DAGLA: variants seen among roughly 807,000 people sequenced by gnomAD.
DAGLA encodes diacylglycerol lipase-alpha.
DAGLA carries 22 observed loss-of-function variants against 102.6 expected under a neutral mutation model. The ratio of observed to expected loss-of-function variants is 0.21; its 90% confidence interval spans 0.15 to 0.31. DAGLA has a LOEUF of 0.31. Among genes scored for constraint, DAGLA ranks in the 10% least tolerant of loss-of-function variants. DAGLA has a pLI of 1.00. For synonymous variants in DAGLA, 578 were observed against 628.9 expected, an observed-to-expected ratio of 0.92 and a Z score of 1.21; for missense variants, 927 against 1,446.6, an observed-to-expected ratio of 0.64 and a Z score of 5.83.
In DAGLA at chr11:61,745,937, G is replaced by C. The variant is rs2065533986; in HGVS notation, c.*1448G>C. 2 of 152,402 alleles carry C rather than the reference G, an allele frequency of 1.3e-5. No individual in the cohort carries two copies. Among genetic ancestry groups the C allele is most frequent in the South Asian group, 4.1e-4 (2 of 4,838 alleles). The allele number at this position is 152,402 out of a possible 1,614,324, so 9.4% of individuals were successfully genotyped here. A position where few individuals can be genotyped will look rare whatever the true frequency, so the allele number is the denominator to read the frequency against. On this transcript the variant is annotated 3_prime_UTR_variant, in exon 20 of 20. Transcript: ENST00000257215. Reference sequence around the variant, plus strand: ...ACCATCTGTTCCCATCGCGCCTGCTGCTGTGACCCGTTTTGGAAAACTGGT... The same window carrying C: ...ACCATCTGTTCCCATCGCGCCTGCTCCTGTGACCCGTTTTGGAAAACTGGT...
chr11:61,705,525 C>G (rs2065141842), intron 1 of DAGLA, among the ~76,000 whole-genome samples: 1 of 152,226 alleles, frequency 6.6e-6, no homozygotes, highest in African/African-American at 2.4e-5. Flanking sequence ...TGGTTGCTTC[C>G]CTCTGCTAGT....
intron 1 of DAGLA, among the ~76,000 whole-genome samples, chr11:61,696,272 T>C (rs957766115): frequency 1.5e-4 from 23 of 152,292 alleles, no homozygotes; most frequent in African/African-American, 4.6e-4. Flanking sequence ...ATGAGTTCTC[T>C]GTGAAGGTGT....
intron 1 of DAGLA, among the ~76,000 whole-genome samples, chr11:61,696,402 G>A (rs1238871113): frequency 1.3e-5 from 2 of 152,110 alleles, no homozygotes; most frequent in East Asian, 1.9e-4. Context: ...CCGTCCGTCC[G>A]TCAAGGACAC....
At chr11:61,718,260 G>T (rs572066880) in intron 1 of DAGLA, among the ~76,000 whole-genome samples, 2 of 152,110 alleles carry the variant, frequency 1.3e-5, no homozygotes, top group Non-Finnish European at 2.9e-5. Context: ...AGCAGGATGC[G>T]GCTCTACAGC....
intron 9 of DAGLA, among the ~76,000 whole-genome samples, chr11:61,732,574 G>C (rs2065385006): frequency 6.6e-6 from 1 of 152,214 alleles, no homozygotes; most frequent in African/African-American, 2.4e-5. Flanking sequence ...TCAGAACCCA[G>C]GGTATCACTG....
chr11:61,721,271 G>A (rs1194358354), intron 3 of DAGLA, among the ~76,000 whole-genome samples: 1 of 152,182 alleles, frequency 6.6e-6, no homozygotes, highest in African/African-American at 2.4e-5. Flanking sequence ...GCACACGCCT[G>A]TAATCCCAGC....
intron 1 of DAGLA, among the ~76,000 whole-genome samples, chr11:61,710,158 G>A (rs1413040146): frequency 6.6e-6 from 1 of 152,146 alleles, no homozygotes; most frequent in East Asian, 1.9e-4. Flanking sequence ...GCACCCAGAC[G>A]GAGTCTCCTC....
chr11:61,699,172 T>A (rs142460722), intron 1 of DAGLA, among the ~76,000 whole-genome samples: 16 of 152,256 alleles, frequency 1.1e-4, no homozygotes, highest in African/African-American at 3.6e-4. Context: ...AATTCTGCCC[T>A]GAGTTTGGGG....
chr11:61,718,937 A>G (rs1409928792), intron 1 of DAGLA, among the ~76,000 whole-genome samples: 1 of 152,036 alleles, frequency 6.6e-6, no homozygotes, highest in Non-Finnish European at 1.5e-5. Flanking sequence ...GGCTCCTCGG[A>G]CACACATTTT....
At chr11:61,735,292 G>T (rs1382819444) in intron 10 of DAGLA, among the ~76,000 whole-genome samples, 1 of 152,192 alleles carries the variant, frequency 6.6e-6, no homozygotes, top group African/African-American at 2.4e-5. Flanking sequence ...CAGAAGCAGG[G>T]AGGGGCAGCC....
rs1038340801 is a variant in DAGLA, at chr11:61,686,806, A to G, written c.-45+6302A>G. Among the ~76,000 whole-genome samples, 3 of 152,206 alleles carry G rather than the reference A, an allele frequency of 2.0e-5. 1 individual carries two copies. In the Middle Eastern group the frequency reaches 0.01, roughly 518 times the overall value. ...GATGTTCCTGGACTTCCTTGAGGTT[A>G]ATCTATTATTGATGTCCCTTCGTTT... On this transcript the variant is annotated intron_variant, in intron 1 of 19. Coordinates refer to ENST00000257215, the MANE Select transcript of DAGLA (RefSeq NM_006133.3). The surrounding 1 kb of genome is among the most constrained non-coding windows in gnomAD (Gnocchi z 5.2).
intron 6 of DAGLA, 132 bp downstream of exon 6, chr11:61,726,214 T>C: frequency 3.8e-6 from 3 of 797,178 alleles, no homozygotes; most frequent in South Asian, 1.4e-5. Context: ...CGTGAGCAAG[T>C]ATGGCCTGCT....
At chr11:61,737,080 G>A in intron 13 of DAGLA, 102 bp from the exon 14 acceptor site, 1 of 1,491,612 alleles carries the variant, frequency 6.7e-7, no homozygotes, top group South Asian at 1.2e-5. Context: ...AAGATCCCAG[G>A]ACTCTGGGAA....
intron 3 of DAGLA, 82 bp from the exon 4 acceptor site, chr11:61,722,777 G>A: frequency 8.1e-7 from 1 of 1,241,838 alleles, no homozygotes; most frequent in Non-Finnish European, 1.2e-6. Context: ...CCCAGCGATA[G>A]GAAAGGCCAG....
At chr11:61,718,628 C>T (rs1374758636) in intron 1 of DAGLA, among the ~76,000 whole-genome samples, 2 of 151,850 alleles carry the variant, frequency 1.3e-5, no homozygotes, top group South Asian at 2.1e-4. Context: ...ACCCCACCAC[C>T]ATGCTCCCTC....
At chr11:61,715,210 G>A (rs1027815683) in intron 1 of DAGLA, among the ~76,000 whole-genome samples, 1 of 152,190 alleles carries the variant, frequency 6.6e-6, no homozygotes, top group Non-Finnish European at 1.5e-5. Flanking sequence ...ACTGCTGTGA[G>A]GACTGAAGCC....
At chr11:61,698,602 T>C (rs1330921418) in intron 1 of DAGLA, among the ~76,000 whole-genome samples, 1 of 152,220 alleles carries the variant, frequency 6.6e-6, no homozygotes, top group African/African-American at 2.4e-5. Flanking sequence ...AAGCTCACTC[T>C]TACCCTGCTT....
chr11:61,714,875 G>A (rs1038957290), intron 1 of DAGLA, among the ~76,000 whole-genome samples: 2 of 152,222 alleles, frequency 1.3e-5, no homozygotes, highest in African/African-American at 2.4e-5. Context: ...CTCGGATGGT[G>A]TCAGGCAGTC....
In DAGLA at chr11:61,743,873, C is replaced by T; in HGVS notation, c.2513C>T (p.Thr838Ile). The T allele has an allele frequency of 6.2e-7, 1 of 1,612,500 alleles. No homozygotes were observed. ...GAAAACCCATCCCTGAGCTCGCGCA[C>T]TGAGCTGCTGGCGGCCGACAGCCTG... is the stretch of plus-strand genomic sequence containing the variant. The part of the protein sequence containing the change: ...PEENPSLSSR[T>I]ELLAADSLSK... Residue 838 changes from threonine (T) to isoleucine (I), a missense_variant, in exon 20 of 20, where the codon ACT becomes ATT. By Grantham distance (89) the Thr-to-Ile change is moderately conservative (BLOSUM62 -1). This residue lies in a region of DAGLA where 434 missense variants were observed against 503.3 expected (regional missense o/e 0.86). Transcript: ENST00000257215.
Sources: allele counts gnomAD v4.1 joint callset (sites outside exome capture counted in the v4.1 genomes callset), GRCh38; gene constraint gnomAD v4.1.1; regional missense constraint gnomAD v4.1.1; non-coding constraint Gnocchi (gnomAD v3.1); transcripts MANE v1.5; gene names NCBI Gene and HGNC (gene_info 2026-07-23, HGNC 2026-07-21).